PCDH11X: variants seen among roughly 807,000 people sequenced by gnomAD.
The protein encoded by PCDH11X is protocadherin-11 X-linked.
PCDH11X carries 18 observed loss-of-function variants against 53.3 expected under a neutral mutation model. That is an observed-to-expected ratio of 0.34 (90% CI 0.23 to 0.50). PCDH11X has a LOEUF of 0.50. Among genes scored for constraint, PCDH11X ranks in the 20% least tolerant of loss-of-function variants. PCDH11X has a pLI of 0.98. For synonymous variants in PCDH11X, 279 were observed against 393.3 expected (o/e 0.71, Z 3.44); for missense variants, 570 against 1,032.4 (o/e 0.55, Z 6.14).
intron 9 of PCDH11X, among the ~76,000 whole-genome samples, chrX:92,445,331 C>T (rs1408799610): frequency 2.0e-5 from 2 of 102,170 alleles, no homozygotes; most frequent in Non-Finnish European, 3.9e-5. Context: ...AGGAATTTGT[C>T]AGTTTCCTCT....
intron 10 of PCDH11X, among the ~76,000 whole-genome samples, chrX:92,492,172 A>G (rs1371414819): frequency 8.9e-6 from 1 of 111,840 alleles, no homozygotes; most frequent in Admixed American, 9.5e-5. Context: ...TTTGCTTTCA[A>G]TTTTTACATT....
intron 9 of PCDH11X, among the ~76,000 whole-genome samples, chrX:92,409,355 G>A (rs767547689): frequency 4.5e-5 from 5 of 112,059 alleles, no homozygotes; most frequent in South Asian, 3.7e-4. Context: ...AAGCTAGAAC[G>A]TGGTTTGGCA....
intron 7 of PCDH11X, among the ~76,000 whole-genome samples, chrX:92,258,323 G>T (rs112032642): frequency 6.1e-4 from 66 of 108,824 alleles, no homozygotes; most frequent in African/African-American, 2.1e-3. Flanking sequence ...TTTCCTCATT[G>T]TCTTGGCTAT....
chrX:91,910,275 GTGTTTC>G (rs2147800711), intron 6 of PCDH11X, among the ~76,000 whole-genome samples: 1 of 104,977 alleles, frequency 9.5e-6, no homozygotes, highest in African/African-American at 3.5e-5. Flanking sequence ...TAAAAACACT[GTGTTTC>G]CCTGGTTGGG....
In PCDH11X at chrX:92,147,854, T is replaced by TCTCTTTCTTTCTTTC. The variant is rs1467457236; in HGVS notation, c.3034-53521_3034-53520insCTCTTTCTTTCTTTC. ...TTCTTTCTTTCTTTCTTTCTTTCTT[T>TCTCTTTCTTTCTTTC]TTTCTTTTCTCTCTTTCCTTTCTTT... is the stretch of plus-strand genomic sequence containing the variant. On this transcript the variant is annotated intron_variant, in intron 6 of 10. Transcript: ENST00000682573. 8.8e-5 allele frequency among the ~76,000 whole-genome samples: 5 copies of TCTCTTTCTTTCTTTC among 56,608 alleles called. No homozygotes were observed. The South Asian group carries it at 4.3e-3, about 48-fold the overall frequency. 49.2% of individuals were successfully genotyped at this position (56,608 alleles called of 115,157 possible). A position where few individuals can be genotyped will look rare whatever the true frequency, so the allele number is the denominator to read the frequency against.
chrX:92,221,273 T>TATGCA (rs2066869798), intron 7 of PCDH11X, among the ~76,000 whole-genome samples: 1 of 57,068 alleles, frequency 1.8e-5, no homozygotes, highest in East Asian at 6.3e-4. Context: ...GAAAACATTG[T>TATGCA]ATACAACACA....
At chrX:91,936,528 T>C (rs1033719143) in intron 6 of PCDH11X, among the ~76,000 whole-genome samples, 4 of 107,847 alleles carry the variant, frequency 3.7e-5, no homozygotes, top group Non-Finnish European at 5.8e-5. Flanking sequence ...TAGCTCTTTT[T>C]TGAAATCAAA....
At chrX:92,332,412 G>T (rs907813193) in intron 8 of PCDH11X, among the ~76,000 whole-genome samples, 4 of 111,795 alleles carry the variant, frequency 3.6e-5, no homozygotes, top group Admixed American at 2.8e-4. Flanking sequence ...ACACATGTGT[G>T]CATTCACATG....
chrX:91,934,838 T>TA (rs2061426588), intron 6 of PCDH11X, among the ~76,000 whole-genome samples: 2 of 106,893 alleles, frequency 1.9e-5, no homozygotes, highest in South Asian at 8.5e-4. Context: ...TTCATTGAAT[T>TA]AAAGAAAGCT....
chrX:92,143,621 A>G (rs2065223990), intron 6 of PCDH11X, among the ~76,000 whole-genome samples: 3 of 112,573 alleles, frequency 2.7e-5, no homozygotes, highest in South Asian at 7.3e-4. Flanking sequence ...AGATGTATGG[A>G]AACACTTGGA....
At chrX:92,492,675 G>A (rs985591618) in intron 10 of PCDH11X, among the ~76,000 whole-genome samples, 17 of 108,745 alleles carry the variant, frequency 1.6e-4, no homozygotes, top group African/African-American at 5.4e-4. Context: ...ATCCATCTCT[G>A]TGTACAAAAA....
intron 10 of PCDH11X, among the ~76,000 whole-genome samples, chrX:92,478,387 G>T (rs2073433945): frequency 9.1e-6 from 1 of 110,265 alleles, no homozygotes; most frequent in Admixed American, 9.7e-5. Context: ...TCTGATTTTG[G>T]TTATTTCTTG....
chrX:92,375,167 T>TATATATATATATATATA (rs1491474868), intron 8 of PCDH11X, among the ~76,000 whole-genome samples: 9 of 7,360 alleles, frequency 1.2e-3, no homozygotes, highest in Non-Finnish European at 1.1e-3. Flanking sequence ...TATATATATA[T>TATATATATATATATATA]TTTTTTTTTT....
chrX:92,113,136 A>C, intron 6 of PCDH11X: 1 of 826,402 alleles, frequency 1.2e-6, no homozygotes, highest in Non-Finnish European at 1.6e-6. Context: ...TCAAAGAAAA[A>C]AAATGACAAG....
intron 9 of PCDH11X, among the ~76,000 whole-genome samples, chrX:92,456,218 A>G (rs1170310045): frequency 8.9e-6 from 1 of 111,783 alleles, no homozygotes; most frequent in Non-Finnish European, 1.9e-5. Context: ...GGACTGGCTT[A>G]TAGTTTAAAT....
At chrX:91,787,987 C>T (rs755367731) in intron 1 of PCDH11X, among the ~76,000 whole-genome samples, 45 of 111,485 alleles carry the variant, frequency 4.0e-4, no homozygotes, top group African/African-American at 1.1e-3. Flanking sequence ...TTAGTCCAAA[C>T]CCTTCATTTT....
At chrX:92,042,803 A>T (rs779195723) in intron 6 of PCDH11X, among the ~76,000 whole-genome samples, 7 of 107,023 alleles carry the variant, frequency 6.5e-5, no homozygotes, top group Middle Eastern at 4.7e-3. Flanking sequence ...CACCCAGCTA[A>T]TTTTTTCTGT....
chrX:91,871,670 T>C (rs1425741600), intron 5 of PCDH11X, among the ~76,000 whole-genome samples: 4 of 111,110 alleles, frequency 3.6e-5, no homozygotes, highest in Non-Finnish European at 7.6e-5. Context: ...TATATGGCTC[T>C]CTATTTGGCA....
chrX:92,123,216 G>A (rs1439559270), intron 6 of PCDH11X, among the ~76,000 whole-genome samples: 5 of 111,009 alleles, frequency 4.5e-5, no homozygotes, highest in East Asian at 5.7e-4. Flanking sequence ...GATTTTCTCC[G>A]CCTAGATAAA....
Sources: allele counts gnomAD v4.1 joint callset (sites outside exome capture counted in the v4.1 genomes callset), GRCh38; gene constraint gnomAD v4.1.1; transcripts MANE v1.5; gene names NCBI Gene and HGNC (gene_info 2026-07-23, HGNC 2026-07-21).